The following NBEA variants were observed in gnomAD, a reference collection of about 807,000 sequenced individuals.
NBEA encodes the protein lysosomal-trafficking regulator 2.
In NBEA, 44 loss-of-function variants were observed where a neutral mutation model predicts 343.4. The observed-to-expected ratio is 0.13, with a 90% confidence interval of 0.10 to 0.16. The LOEUF is 0.16. Among genes scored for constraint, NBEA ranks in the 10% least tolerant of loss-of-function variants. NBEA has a pLI of 1.00. For missense variants in NBEA, 2,555 were observed against 3,631.3 expected (o/e 0.70, Z 7.62); for synonymous variants, 1,175 against 1,238.7 (o/e 0.95, Z 1.08).
intron 8 of NBEA, among the ~76,000 whole-genome samples, chr13:35,069,508 A>G (rs773344005): frequency 1.3e-5 from 2 of 152,094 alleles, no homozygotes; most frequent in African/African-American, 2.4e-5. Context: ...AATGATAGTC[A>G]TTTTTCTCTA....
chr13:35,345,253 T>A (rs1463780747), intron 36 of NBEA, among the ~76,000 whole-genome samples: 1 of 152,084 alleles, frequency 6.6e-6, no homozygotes, highest in African/African-American at 2.4e-5. Flanking sequence ...AATTTTGAAC[T>A]ATTTTAATTT....
At chr13:35,655,289 G>A (rs1211112512) in intron 54 of NBEA, among the ~76,000 whole-genome samples, 3 of 152,088 alleles carry the variant, frequency 2.0e-5, no homozygotes, top group Admixed American at 2.0e-4. Flanking sequence ...CCTTGGTCTG[G>A]CCCAAACCCT....
At chr13:35,541,583 A>G (rs1237916997) in intron 41 of NBEA, among the ~76,000 whole-genome samples, 1 of 152,090 alleles carries the variant, frequency 6.6e-6, no homozygotes, top group African/African-American at 2.4e-5. Context: ...TATGATTCCA[A>G]TAATGTCTAG....
At chr13:35,340,236 T>C (rs79443645) in intron 36 of NBEA, among the ~76,000 whole-genome samples, 3 of 152,200 alleles carry the variant, frequency 2.0e-5, no homozygotes, top group Middle Eastern at 3.4e-3. Flanking sequence ...AAAATGCCCA[T>C]TGACAAGTGA....
intron 36 of NBEA, among the ~76,000 whole-genome samples, chr13:35,319,275 C>T (rs1189598942): frequency 1.3e-5 from 2 of 152,168 alleles, no homozygotes; most frequent in Non-Finnish European, 2.9e-5. Flanking sequence ...TTAGCTGTGT[C>T]CCAGAGATTC....
chr13:35,563,285 A>G (rs1192601223), intron 44 of NBEA, among the ~76,000 whole-genome samples: 1 of 151,992 alleles, frequency 6.6e-6, no homozygotes, highest in Non-Finnish European at 1.5e-5. Context: ...ATCCTAAAGA[A>G]AAAACAAAAC....
intron 1 of NBEA, among the ~76,000 whole-genome samples, chr13:35,014,178 G>T (rs1479220486): frequency 1.3e-5 from 2 of 152,148 alleles, no homozygotes; most frequent in South Asian, 2.1e-4. Flanking sequence ...TCTGTGAATT[G>T]TAGGGACCAG....
intron 11 of NBEA, among the ~76,000 whole-genome samples, chr13:35,105,685 T>G (rs1479730525): frequency 6.6e-6 from 1 of 151,972 alleles, no homozygotes; most frequent in Non-Finnish European, 1.5e-5. Context: ...GATCATTGCC[T>G]GCCACCCTCC....
intron 1 of NBEA, among the ~76,000 whole-genome samples, chr13:35,028,080 G>T (rs953328432): frequency 2.0e-5 from 3 of 151,788 alleles, no homozygotes; most frequent in African/African-American, 7.2e-5. Flanking sequence ...AATTATTATA[G>T]CAAGTCTTAA....
intron 38 of NBEA, among the ~76,000 whole-genome samples, chr13:35,374,182 A>G (rs1284951203): frequency 6.7e-6 from 1 of 148,154 alleles, no homozygotes; most frequent in African/African-American, 2.6e-5. Flanking sequence ...AGTTGGGGTT[A>G]TTAATTGGCC....
chr13:35,122,632 A>G lies in NBEA; in HGVS notation c.2244-850A>G, dbSNP rs1163958146. ...TATACCTAATGTAAATGATGAGTTA[A>G]GGGGTGCAGCACACCAACATGGCAC... On this transcript the variant is annotated intron_variant, in intron 16 of 58. Coordinates refer to ENST00000379939, the MANE Select transcript of NBEA (RefSeq NM_001385012.1). 2.0e-5 allele frequency among the ~76,000 whole-genome samples: 3 copies of G among 151,952 alleles called. No homozygotes were observed. The East Asian group carries it at 5.8e-4, about 29-fold the overall frequency.
chr13:35,652,945 C>T (rs1019441624), intron 53 of NBEA, among the ~76,000 whole-genome samples: 5 of 151,862 alleles, frequency 3.3e-5, no homozygotes, highest in African/African-American at 1.2e-4. Context: ...CTGCCCATCT[C>T]TGCCTCCCAA....
intron 30 of NBEA, among the ~76,000 whole-genome samples, chr13:35,187,082 G>A (rs2071772150): frequency 6.6e-6 from 1 of 151,778 alleles, no homozygotes; most frequent in Non-Finnish European, 1.5e-5. Flanking sequence ...TATTTTTTCA[G>A]TAATTTACAA....
intron 11 of NBEA, among the ~76,000 whole-genome samples, chr13:35,099,771 C>T: frequency 6.6e-6 from 1 of 151,904 alleles, no homozygotes; most frequent in Non-Finnish European, 1.5e-5. Flanking sequence ...TGTTTTATGA[C>T]CTCTTTTGCT....
chr13:35,636,390 C>T (rs557833582), intron 49 of NBEA, among the ~76,000 whole-genome samples: 20 of 152,236 alleles, frequency 1.3e-4, no homozygotes, highest in African/African-American at 2.6e-4. Flanking sequence ...CTGCTGAATA[C>T]GTCCAATAAT....
chr13:35,052,844 C>G (rs1172559581), intron 6 of NBEA, among the ~76,000 whole-genome samples: 1 of 151,876 alleles, frequency 6.6e-6, no homozygotes. Flanking sequence ...ATTATTGTTA[C>G]AACCAAAAGC....
chr13:35,628,007 T>TAA (rs934703371), intron 48 of NBEA, 74 bp from the exon 49 acceptor site: 12 of 1,024,396 alleles, frequency 1.2e-5, no homozygotes, highest in Non-Finnish European at 1.5e-5. Context: ...TATTTCAAAG[T>TAA]AAAAAAAAAA....
intron 33 of NBEA, among the ~76,000 whole-genome samples, chr13:35,230,221 T>C (rs1200493615): frequency 2.0e-5 from 3 of 152,082 alleles, no homozygotes; most frequent in African/African-American, 7.2e-5. Flanking sequence ...TATACATACT[T>C]ACAGAAGTAA....
intron 41 of NBEA, among the ~76,000 whole-genome samples, chr13:35,514,411 C>T (rs940341926): frequency 1.3e-5 from 2 of 152,026 alleles, no homozygotes; most frequent in Non-Finnish European, 2.9e-5. Context: ...AATTACTGCA[C>T]GCCGACCAGC....
Sources: gnomAD v4.1 joint callset for allele counts (sites outside exome capture counted in the v4.1 genomes callset) on GRCh38, gnomAD v4.1.1 for gene constraint, MANE v1.5 for transcripts, NCBI Gene and HGNC (gene_info 2026-07-23, HGNC 2026-07-21) for gene names.